PAK2: variants seen among roughly 807,000 people sequenced by gnomAD.
PAK2 encodes p21 (RAC1) activated kinase 2.
In PAK2, 21 loss-of-function variants were observed where a neutral mutation model predicts 65.9. That is an observed-to-expected ratio of 0.32 (90% CI 0.23 to 0.46). The LOEUF (loss-of-function observed/expected upper bound fraction) is 0.46. Among genes scored for constraint, PAK2 ranks in the 20% least tolerant of loss-of-function variants. The probability of loss-of-function intolerance (pLI) is 1.00; values close to 1 mark genes in which losing one functional copy is unlikely to be tolerated. For synonymous variants in PAK2, 204 were observed against 219.7 expected (o/e 0.93, Z 0.63); for missense variants, 324 against 642.6 (o/e 0.50, Z 5.36).
intron 1 of PAK2, among the ~76,000 whole-genome samples, chr3:196,745,282 A>ATTTTTTTTT (rs34194625): frequency 9.7e-5 from 9 of 92,774 alleles, no homozygotes; most frequent in African/African-American, 1.8e-4. Flanking sequence ...CACCCAACTG[A>ATTTTTTTTT]TTTTTTTTTT....
At chr3:196,772,899 A>C (rs1714404286) in intron 1 of PAK2, among the ~76,000 whole-genome samples, 1 of 152,224 alleles carries the variant, frequency 6.6e-6, no homozygotes, top group South Asian at 2.1e-4. Context: ...TATTTATATA[A>C]AAAGTAAATA....
At chr3:196,743,658 G>A (rs997662535) in intron 1 of PAK2, among the ~76,000 whole-genome samples, 2 of 152,100 alleles carry the variant, frequency 1.3e-5, no homozygotes, top group African/African-American at 4.8e-5. Context: ...GACCAGCCTG[G>A]CCAACATGGT....
intron 1 of PAK2, among the ~76,000 whole-genome samples, chr3:196,754,391 C>T (rs78579633): frequency 0.021 from 3,223 of 152,260 alleles, 57 homozygotes; most frequent in Middle Eastern, 0.068. Context: ...TTCCTTGCCT[C>T]TCCAGGGGAC....
chr3:196,757,231 T>A (rs1281837022), intron 1 of PAK2, among the ~76,000 whole-genome samples: 2 of 152,120 alleles, frequency 1.3e-5, no homozygotes, highest in East Asian at 3.8e-4. Flanking sequence ...AGCAGGTGAC[T>A]GGGATGAGTC....
At chr3:196,813,045 T>C (rs1715878822) in intron 10 of PAK2, among the ~76,000 whole-genome samples, 194 bp downstream of exon 10, 1 of 152,042 alleles carries the variant, frequency 6.6e-6, no homozygotes, top group African/African-American at 2.4e-5. Context: ...ACTTGGCAGG[T>C]GAGAGAAGGC....
At chr3:196,780,352 T>C (rs1436859622) in intron 1 of PAK2, among the ~76,000 whole-genome samples, 6 of 152,198 alleles carry the variant, frequency 3.9e-5, no homozygotes, top group Non-Finnish European at 8.8e-5. Context: ...GGACTTACAT[T>C]TCCATGTGGC....
chr3:196,813,184 G>A (rs1398720448), intron 10 of PAK2, among the ~76,000 whole-genome samples: 1 of 152,100 alleles, frequency 6.6e-6, no homozygotes, highest in Non-Finnish European at 1.5e-5. Flanking sequence ...TTTTAAACTT[G>A]TGGATCAATT....
At chr3:196,742,211 G>A (rs1202987910) in intron 1 of PAK2, among the ~76,000 whole-genome samples, 1 of 148,628 alleles carries the variant, frequency 6.7e-6, no homozygotes, top group African/African-American at 2.5e-5. Context: ...GTCTCAGCCT[G>A]CTGAGTAGCT....
At chr3:196,795,231 G>A (rs1305435055) in intron 2 of PAK2, among the ~76,000 whole-genome samples, 1 of 151,456 alleles carries the variant, frequency 6.6e-6, no homozygotes, top group African/African-American at 2.4e-5. Flanking sequence ...CAGTGTGGGA[G>A]GATCACTTGA....
chr3:196,804,799 T>A (rs1443681694), intron 4 of PAK2, among the ~76,000 whole-genome samples: 1 of 85,450 alleles, frequency 1.2e-5, no homozygotes. Context: ...TATGTGTGTG[T>A]GTGTGTGATA....
chr3:196,825,121 A>G (rs1711797362), intron 13 of PAK2, among the ~76,000 whole-genome samples: 1 of 152,008 alleles, frequency 6.6e-6, no homozygotes, highest in African/African-American at 2.4e-5. Flanking sequence ...CAAGGTGGGC[A>G]GATCGCTTGA....
At chr3:196,809,392 C>G (rs1346754676) in intron 7 of PAK2, among the ~76,000 whole-genome samples, 1 of 136,906 alleles carries the variant, frequency 7.3e-6, no homozygotes, top group African/African-American at 2.7e-5. Flanking sequence ...CTCTGTCACC[C>G]AGGCTGGAGT....
chr3:196,791,093 C>A lies in PAK2; in HGVS notation c.187+8260C>A, dbSNP rs1385907433. On this transcript the variant is annotated intron_variant, in intron 2 of 14. Coordinates refer to ENST00000327134, the MANE Select transcript of PAK2 (RefSeq NM_002577.4). The surrounding 1 kb of genome is among the most constrained non-coding windows in gnomAD (Gnocchi z 4.0). Reference sequence around the variant, plus strand: ...TGCCATCCTGACTGAACCCCCACATCTACATAAATTTATTGTGATTGGCCC... The same window carrying A: ...TGCCATCCTGACTGAACCCCCACATATACATAAATTTATTGTGATTGGCCC... Among the ~76,000 whole-genome samples, 1 of 152,158 alleles carries A rather than the reference C, an allele frequency of 6.6e-6. No individual in the cohort carries two copies. Among genetic ancestry groups the A allele is most frequent in the Non-Finnish European group, 1.5e-5 (1 of 68,038 alleles).
chr3:196,746,241 T>C (rs1713374735), intron 1 of PAK2, among the ~76,000 whole-genome samples: 1 of 152,242 alleles, frequency 6.6e-6, no homozygotes. Flanking sequence ...TTAGGGATGA[T>C]GGCAGCTGTT....
intron 2 of PAK2, among the ~76,000 whole-genome samples, chr3:196,790,192 ATTTG>A (rs963232353): frequency 1.3e-5 from 2 of 151,356 alleles, no homozygotes; most frequent in African/African-American, 2.5e-5. Flanking sequence ...GGTTTCTTTT[ATTTG>A]TTTGTTTAGC....
At chr3:196,749,856 C>T (rs1006371406) in intron 1 of PAK2, among the ~76,000 whole-genome samples, 7 of 151,818 alleles carry the variant, frequency 4.6e-5, no homozygotes, top group Non-Finnish European at 2.9e-5. Flanking sequence ...GAGTCTTGCT[C>T]TGTTGCCTGG....
chr3:196,800,447 A>C (rs1288786290), intron 2 of PAK2, among the ~76,000 whole-genome samples: 1 of 152,202 alleles, frequency 6.6e-6, no homozygotes, highest in African/African-American at 2.4e-5. Context: ...ATTCATTCCA[A>C]TTCTAGTCAG....
chr3:196,817,392 C>T (rs975593885), intron 11 of PAK2, among the ~76,000 whole-genome samples: 18 of 151,712 alleles, frequency 1.2e-4, no homozygotes, highest in African/African-American at 4.4e-4. Flanking sequence ...GCTCTGTCAC[C>T]CAGGCTGGAG....
rs1712066317 is a variant in PAK2, at chr3:196,831,105, C to G, written c.*2700C>G. 1 of 152,200 alleles carries G rather than the reference C, an allele frequency of 6.6e-6. No individual in the cohort carries two copies. Among genetic ancestry groups the G allele is most frequent in the Non-Finnish European group, 1.5e-5 (1 of 68,064 alleles). 9.4% of individuals were successfully genotyped at this position (152,200 alleles called of 1,614,324 possible). A position where few individuals can be genotyped will look rare whatever the true frequency, so the allele number is the denominator to read the frequency against. On this transcript the variant is annotated 3_prime_UTR_variant, in exon 15 of 15. Coordinates refer to ENST00000327134, the MANE Select transcript of PAK2 (RefSeq NM_002577.4). ...GTCTCACCACATTGCCCAGGCTGGT[C>G]TCCAACTCCTGAGCTCAGGCAGTCT... is the stretch of plus-strand genomic sequence containing the variant.
Sources: allele counts gnomAD v4.1 joint callset (sites outside exome capture counted in the v4.1 genomes callset), GRCh38; gene constraint gnomAD v4.1.1; non-coding constraint Gnocchi (gnomAD v3.1); transcripts MANE v1.5; gene names NCBI Gene and HGNC (gene_info 2026-07-23, HGNC 2026-07-21).